The following CHD6 variants were observed in gnomAD, a reference collection of about 807,000 sequenced individuals.
CHD6 encodes the protein chromodomain helicase DNA binding protein 6, also known as ATP-dependent chromatin remodeler CHD6.
A neutral mutation model predicts 276.9 loss-of-function variants in CHD6; 50 were observed. The ratio of observed to expected loss-of-function variants is 0.18; its 90% CI spans 0.14 to 0.23. The LOEUF (loss-of-function observed/expected upper bound fraction) is 0.23. Among genes scored for constraint, CHD6 ranks in the 10% least tolerant of loss-of-function variants. The pLI is 1.00. For missense variants in CHD6, 2,564 were observed against 3,365.8 expected (o/e 0.76, Z 5.89); for synonymous variants, 1,173 against 1,229.3 (o/e 0.95, Z 0.96).
rs144320476 is a variant in CHD6, at chr20:41,441,444, T to G, written c.3878-1315A>C. 2.8e-3 allele frequency among the ~76,000 whole-genome samples: 419 copies of G among 152,272 alleles called. 2 individuals are homozygous for G. The highest frequency in any genetic ancestry group is 0.024 in the Middle Eastern group (7 of 294). On this transcript the variant is annotated intron_variant, in intron 25 of 36. Transcript: ENST00000373233. ...CTGCTTTTAAGGAGGTTCCAGTCAGTTTCTCCACCTGCTTCTCATGAAGAG... is the reference window on the plus strand; with the variant it reads ...CTGCTTTTAAGGAGGTTCCAGTCAGGTTCTCCACCTGCTTCTCATGAAGAG...
At chr20:41,597,399 A>AT in intron 1 of CHD6, among the ~76,000 whole-genome samples, 1 of 152,188 alleles carries the variant, frequency 6.6e-6, no homozygotes, top group Non-Finnish European at 1.5e-5. Flanking sequence ...AAAACTATGT[A>AT]TTTGGTCTGT....
chr20:41,504,195 A>G (rs2145922901), intron 5 of CHD6, among the ~76,000 whole-genome samples: 1 of 145,992 alleles, frequency 6.8e-6, no homozygotes, highest in Non-Finnish European at 1.5e-5. Flanking sequence ...TTTTTCCTCT[A>G]TGTGCTTCAG....
At chr20:41,603,863 A>C (rs1275992154) in intron 1 of CHD6, among the ~76,000 whole-genome samples, 1 of 152,190 alleles carries the variant, frequency 6.6e-6, no homozygotes, top group Non-Finnish European at 1.5e-5. Context: ...AGCAAGACTC[A>C]GTCCCAAAAC....
At position 41,415,658 on chromosome 20, in the gene CHD6, A is replaced by G. The variant is rs375369526; in HGVS notation, c.6487-20T>C. ...GCTCTCCTGTGAACACACAAACAGCAAGAGAGGTCTGAATGTCACACAAGT... is the reference window on the plus strand; with the variant it reads ...GCTCTCCTGTGAACACACAAACAGCGAGAGAGGTCTGAATGTCACACAAGT... On this transcript the variant is annotated intron_variant, in intron 33 of 36. Coordinates refer to ENST00000373233, the MANE Select transcript of CHD6 (RefSeq NM_032221.5). 1.4e-4 allele frequency: 211 copies of G among 1,536,364 alleles called. No homozygotes were observed. Among genetic ancestry groups the G allele is most frequent in the Non-Finnish European group, 1.8e-4 (204 of 1,142,796 alleles).
At chr20:41,519,940 T>C (rs1479384605) in intron 3 of CHD6, among the ~76,000 whole-genome samples, 2 of 152,150 alleles carry the variant, frequency 1.3e-5, no homozygotes, top group African/African-American at 2.4e-5. Flanking sequence ...AAAGGGCTAA[T>C]ATCCAGAATC....
intron 2 of CHD6, among the ~76,000 whole-genome samples, chr20:41,534,529 T>C (rs1249250227): frequency 2.9e-5 from 4 of 137,384 alleles, no homozygotes; most frequent in Admixed American, 2.4e-4. Context: ...CTCCCAAACA[T>C]AACACTGAGA....
chr20:41,510,482 T>C (rs1297700813), intron 5 of CHD6, among the ~76,000 whole-genome samples: 2 of 152,206 alleles, frequency 1.3e-5, no homozygotes, highest in Non-Finnish European at 2.9e-5. Context: ...TCTCTGAATG[T>C]CAAAGCCAAA....
chr20:41,469,252 C>T (rs1338235196), intron 17 of CHD6, among the ~76,000 whole-genome samples: 1 of 152,194 alleles, frequency 6.6e-6, no homozygotes, highest in Non-Finnish European at 1.5e-5. Flanking sequence ...TTTCTGAATT[C>T]TGCCTTCAGG....
At chr20:41,587,818 T>C (rs749399331) in intron 1 of CHD6, among the ~76,000 whole-genome samples, 1 of 135,674 alleles carries the variant, frequency 7.4e-6, no homozygotes, top group Non-Finnish European at 1.5e-5. Context: ...ATTTCTGTAG[T>C]GAAAAACAAA....
intron 3 of CHD6, among the ~76,000 whole-genome samples, chr20:41,516,168 A>AT (rs75917656): frequency 4.0e-4 from 59 of 148,362 alleles, no homozygotes; most frequent in Middle Eastern, 3.5e-3. Flanking sequence ...GCAGATGGTA[A>AT]TTTTTTTTTT....
At chr20:41,593,205 G>GT (rs1420410271) in intron 1 of CHD6, among the ~76,000 whole-genome samples, 2 of 129,262 alleles carry the variant, frequency 1.5e-5, no homozygotes, top group East Asian at 5.7e-4. Context: ...ATCAAAAAGG[G>GT]GGGGGGGGGT....
At chr20:41,463,332 G>T (rs2042845422) in intron 17 of CHD6, among the ~76,000 whole-genome samples, 1 of 152,156 alleles carries the variant, frequency 6.6e-6, no homozygotes, top group African/African-American at 2.4e-5. Context: ...AATAATCAAT[G>T]GATGCTAAAA....
chr20:41,464,922 G>A (rs534103899), intron 17 of CHD6, among the ~76,000 whole-genome samples: 100 of 152,208 alleles, frequency 6.6e-4, no homozygotes, highest in Non-Finnish European at 1.2e-3. Flanking sequence ...AGCTACCAAC[G>A]GCCAAATCTG....
chr20:41,481,228 G>A (rs953596804), intron 16 of CHD6, among the ~76,000 whole-genome samples: 6 of 151,552 alleles, frequency 4.0e-5, no homozygotes, highest in Admixed American at 6.6e-5. Context: ...GCCTAAAAAA[G>A]GATTTAAAGT....
chr20:41,458,228 T>C (rs1334461402), intron 17 of CHD6, among the ~76,000 whole-genome samples: 1 of 152,242 alleles, frequency 6.6e-6, no homozygotes, highest in Non-Finnish European at 1.5e-5. Flanking sequence ...GGGGCTACCC[T>C]AATGTACAGT....
At position 41,415,081 on chromosome 20, in the gene CHD6, A is replaced by G; in HGVS notation, c.6939+105T>C. 2.0e-6 allele frequency: 3 copies of G among 1,491,106 alleles called. No individual in the cohort carries two copies. The South Asian group carries it at 4.1e-5, about 21-fold the overall frequency. 92.4% of individuals were successfully genotyped at this position (1,491,106 alleles called of 1,614,324 possible). On this transcript the variant is annotated intron_variant, in intron 34 of 36. Transcript: ENST00000373233. Reference sequence around the variant, plus strand: ...GAGAGAAAATAAAGCAGGACAACCGAAATAGAGATAAAAGATCCACAAATT... The same window carrying G: ...GAGAGAAAATAAAGCAGGACAACCGGAATAGAGATAAAAGATCCACAAATT...
At chr20:41,479,136 A>G (rs115122225) in intron 16 of CHD6, among the ~76,000 whole-genome samples, 4 of 152,138 alleles carry the variant, frequency 2.6e-5, no homozygotes, top group Admixed American at 6.5e-5. Flanking sequence ...TTGAAGACAG[A>G]TAAAAGAGAG....
chr20:41,421,180 T>A lies in CHD6; in HGVS notation c.5455A>T (p.Asn1819Tyr). The A allele has an allele frequency of 6.2e-7, 1 of 1,613,238 alleles. No individual in the cohort carries two copies. The highest frequency in any genetic ancestry group is 1.1e-5 in the South Asian group (1 of 90,872). Residue 1819 changes from asparagine to tyrosine, a missense_variant, in exon 31 of 37, where the codon AAT becomes TAT. Asn to Tyr is a moderately radical substitution (Grantham distance 143, BLOSUM62 -2). Coordinates refer to ENST00000373233, the MANE Select transcript of CHD6 (RefSeq NM_032221.5). ...CACATATCTACAAACCCACTTTCAT[T>A]TCCTGGATTCAAGGAAGGGGAAGCT... Reference protein sequence around the residue: ...CLASPSLNPGNESGFVDMCSL... With the variant: ...CLASPSLNPGYESGFVDMCSL...
At chr20:41,532,446 T>A (rs966511037) in intron 3 of CHD6, among the ~76,000 whole-genome samples, 3 of 152,160 alleles carry the variant, frequency 2.0e-5, no homozygotes, top group Admixed American at 6.5e-5. Flanking sequence ...ATCCTCCTCA[T>A]AGCAGCTCCT....
Sources: allele counts gnomAD v4.1 joint callset (sites outside exome capture counted in the v4.1 genomes callset), GRCh38; gene constraint gnomAD v4.1.1; transcripts MANE v1.5; gene names NCBI Gene and HGNC (gene_info 2026-07-23, HGNC 2026-07-21).